Variants in ELAVL4 observed in about 807,000 individuals in gnomAD.
ELAVL4 encodes the protein ELAV-like protein 4.
ELAVL4 carries 1 observed loss-of-function variant against 35.6 expected under a neutral mutation model. That is an observed-to-expected ratio of 0.03 (90% CI 0.01 to 0.13). The LOEUF (loss-of-function observed/expected upper bound fraction) is 0.13, where lower values mean the gene tolerates loss of function less well. Among genes scored for constraint, ELAVL4 ranks in the 10% least tolerant of loss-of-function variants. The pLI, the probability that ELAVL4 is intolerant of heterozygous loss-of-function variation, is 1.00. For missense variants in ELAVL4, 267 were observed against 464.9 expected, an observed-to-expected ratio of 0.57 and a Z score of 3.91; for synonymous variants, 156 against 171.0, an observed-to-expected ratio of 0.91 and a Z score of 0.69.
intron 2 of ELAVL4, among the ~76,000 whole-genome samples, chr1:50,148,200 G>A (rs767757148): frequency 6.6e-5 from 10 of 152,152 alleles, no homozygotes; most frequent in Non-Finnish European, 1.2e-4. Flanking sequence ...ATTAGCAGGT[G>A]GTGGAGCTGG....
rs199634128 is a variant in ELAVL4, at chr1:50,177,179, C to A, written c.341C>A (p.Thr114Asn). Residue 114 changes from threonine (T) to asparagine (N), a missense_variant, in exon 3 of 7, where the codon ACC becomes AAC. Coordinates refer to ENST00000371824, the MANE Select transcript of ELAVL4 (RefSeq NM_001144774.3). ...ACTTTAAATGGACTCAGACTCCAGA[C>A]CAAAACCATAAAGGTAAGAGGTGAT... Reference protein sequence around the residue: ...INTLNGLRLQTKTIKVSYARP... With the variant: ...INTLNGLRLQNKTIKVSYARP... 1.6e-4 allele frequency: 251 copies of A among 1,613,464 alleles called. No individual in the cohort carries two copies. Among genetic ancestry groups the A allele is most frequent in the Non-Finnish European group, 2.1e-5 (25 of 1,179,622 alleles).
chr1:50,088,187 C>A (rs1459731521), intron 1 of ELAVL4, among the ~76,000 whole-genome samples: 3 of 152,146 alleles, frequency 2.0e-5, no homozygotes, highest in African/African-American at 7.2e-5. Flanking sequence ...TGAAAGCTGG[C>A]CTGTCCTTCA....
chr1:50,095,202 C>T (rs553229046), intron 1 of ELAVL4, among the ~76,000 whole-genome samples: 6 of 152,180 alleles, frequency 3.9e-5, no homozygotes, highest in South Asian at 4.2e-4. Flanking sequence ...TGCTCAAACC[C>T]GTCTTTTGAC....
At chr1:50,181,385 C>A (rs1460309231) in intron 3 of ELAVL4, 4 of 152,292 alleles carry the variant, frequency 2.6e-5, no homozygotes. Flanking sequence ...GACTTCATTT[C>A]TTCTTGGGTC....
chr1:50,144,571 CT>C, intron 1 of ELAVL4: 3 of 469,606 alleles, frequency 6.4e-6, no homozygotes, highest in Admixed American at 2.6e-5. Flanking sequence ...CTATATTTAG[CT>C]TTTTCAGCTT....
intron 1 of ELAVL4, among the ~76,000 whole-genome samples, chr1:50,084,737 G>GT (rs11423746): frequency 0.094 from 14,276 of 152,110 alleles, 911 homozygotes; most frequent in African/African-American, 0.17. Flanking sequence ...TCATTGGTTA[G>GT]TTTTTTCTCA....
chr1:50,133,330 T>C (rs143269158), intron 1 of ELAVL4, among the ~76,000 whole-genome samples: 1 of 152,246 alleles, frequency 6.6e-6, no homozygotes, highest in Non-Finnish European at 1.5e-5. Context: ...AAATTTCTAG[T>C]TTCCATGTAA....
chr1:50,152,679 C>T (rs1015932528), intron 2 of ELAVL4, among the ~76,000 whole-genome samples: 2 of 152,294 alleles, frequency 1.3e-5, no homozygotes, highest in Non-Finnish European at 2.9e-5. Context: ...CGCCCCCATT[C>T]CACATCTCCC....
chr1:50,065,459 A>T lies in ELAVL4; in HGVS notation c.18+17277A>T, dbSNP rs368817260. Among the ~76,000 whole-genome samples the T allele has an allele frequency of 3.0e-4, 45 of 152,300 alleles. 1 individual carries two copies. In the South Asian group the frequency reaches 8.7e-3, roughly 29 times the overall value. On this transcript the variant is annotated intron_variant, in intron 1 of 6. Transcript: ENST00000448907. Reference sequence around the variant, plus strand: ...TGCAACACTGGAGCAAGTTAACTTAACCAATGTGCACCTTGATTTTATTAT... The same window carrying T: ...TGCAACACTGGAGCAAGTTAACTTATCCAATGTGCACCTTGATTTTATTAT...
At chr1:50,173,619 G>T (rs1679435567) in intron 2 of ELAVL4, among the ~76,000 whole-genome samples, 1 of 152,134 alleles carries the variant, frequency 6.6e-6, no homozygotes, top group Non-Finnish European at 1.5e-5. Flanking sequence ...AAATTTTGGA[G>T]GCAGTCTTAA....
chr1:50,127,552 A>G (rs1670155050), intron 1 of ELAVL4, among the ~76,000 whole-genome samples: 1 of 152,154 alleles, frequency 6.6e-6, no homozygotes, highest in African/African-American at 2.4e-5. Flanking sequence ...TGCATCTGGA[A>G]CTTTGTTTTC....
chr1:50,073,612 A>ACAACCC (rs1305300232), intron 1 of ELAVL4, among the ~76,000 whole-genome samples: 1 of 152,176 alleles, frequency 6.6e-6, no homozygotes, highest in African/African-American at 2.4e-5. Flanking sequence ...TTAAGAAAAA[A>ACAACCC]CAACCCCTTA....
At chr1:50,152,801 G>A (rs916578250) in intron 2 of ELAVL4, among the ~76,000 whole-genome samples, 1 of 152,158 alleles carries the variant, frequency 6.6e-6, no homozygotes, top group Non-Finnish European at 1.5e-5. Flanking sequence ...GCTTTGATAG[G>A]AGAAGATATT....
chr1:50,160,752 A>G (rs757321594), intron 2 of ELAVL4, among the ~76,000 whole-genome samples: 14 of 152,218 alleles, frequency 9.2e-5, no homozygotes, highest in Non-Finnish European at 1.5e-4. Context: ...AATGTCTTTC[A>G]CTTTGAATAA....
intron 1 of ELAVL4, among the ~76,000 whole-genome samples, chr1:50,048,804 A>G (rs1663207176): frequency 6.6e-6 from 1 of 152,160 alleles, no homozygotes; most frequent in Admixed American, 6.5e-5. Flanking sequence ...TGTTACACTA[A>G]GCAGTGCTCA....
chr1:50,090,602 T>C (rs1204362091), intron 1 of ELAVL4, among the ~76,000 whole-genome samples: 1 of 152,164 alleles, frequency 6.6e-6, no homozygotes, highest in East Asian at 1.9e-4. Context: ...GATGCTATAC[T>C]CCACTCAGTC....
chr1:50,156,030 C>G (rs568726895), intron 2 of ELAVL4, among the ~76,000 whole-genome samples: 4 of 143,720 alleles, frequency 2.8e-5, no homozygotes, highest in African/African-American at 1.0e-4. Flanking sequence ...TGCACAGGCA[C>G]GCACACACAC....
chr1:50,056,221 T>C (rs1291387140), intron 1 of ELAVL4, among the ~76,000 whole-genome samples: 1 of 152,172 alleles, frequency 6.6e-6, no homozygotes, highest in Non-Finnish European at 1.5e-5. Context: ...GCCTGGTGCA[T>C]GATGGTAATA....
chr1:50,163,399 C>T (rs1677142904), intron 2 of ELAVL4, among the ~76,000 whole-genome samples: 1 of 152,116 alleles, frequency 6.6e-6, no homozygotes, highest in Non-Finnish European at 1.5e-5. Context: ...AAAGTCTTTT[C>T]CAAGATTGTC....
Sources: gnomAD v4.1 joint callset for allele counts (sites outside exome capture counted in the v4.1 genomes callset) on GRCh38, gnomAD v4.1.1 for gene constraint, MANE v1.5 for transcripts, NCBI Gene and HGNC (gene_info 2026-07-23, HGNC 2026-07-21) for gene names.